The following DDB1 variants were observed in gnomAD, a reference collection of about 807,000 sequenced individuals.
DDB1 encodes DNA damage-binding protein 1.
In DDB1, 18 loss-of-function variants were observed where a neutral mutation model predicts 133.1. That is an observed-to-expected ratio of 0.14 (90% CI 0.09 to 0.20). The LOEUF (loss-of-function observed/expected upper bound fraction) is 0.20. DDB1 is among the 10% of genes least tolerant of loss of function. The pLI is 1.00. For synonymous variants in DDB1, 580 were observed against 550.5 expected (o/e 1.05, Z -0.75); for missense variants, 828 against 1,459.2 (o/e 0.57, Z 7.05).
In DDB1 at chr11:61,311,774, CT is replaced by C. The variant is rs1216969647; in HGVS notation, c.2277+9del. The C allele has an allele frequency of 6.2e-7, 1 of 1,607,028 alleles. No homozygotes were observed. Among genetic ancestry groups the C allele is most frequent in the Non-Finnish European group, 8.5e-7 (1 of 1,177,508 alleles). On this transcript the variant is annotated intron_variant, in intron 18 of 26. Coordinates refer to ENST00000301764, the MANE Select transcript of DDB1 (RefSeq NM_001923.5). The stretch of plus-strand genomic sequence containing the variant: ...CTCTAAGGTCATCTTTCTTTGTCCA[CT>C]GCCCTTACCTGGGTGCTAGCGCTGG...
intron 18 of DDB1, chr11:61,311,451 A>C (rs796208814): frequency 3.9e-5 from 10 of 256,192 alleles, no homozygotes; most frequent in Admixed American, 1.6e-4. Flanking sequence ...TCTTAAAAAA[A>C]AAACAAACAA....
Position 61,299,964 on chromosome 11 carries a change from T to C in DDB1, c.*172A>G. 1 of 628,696 alleles carries C rather than the reference T, an allele frequency of 1.6e-6. No individual in the cohort carries two copies. The allele number at this position is 628,696 out of a possible 1,614,324, so 38.9% of individuals were successfully genotyped here. On this transcript the variant is annotated 3_prime_UTR_variant, in exon 27 of 27. Transcript: ENST00000301764. ...AGAAAATGTTTCACCTTCAGCTCAT[T>C]CCCAAGTCTCTATGAAGCCCGCCCC... is the stretch of plus-strand genomic sequence containing the variant.
At chr11:61,326,577 G>A (rs1856274284) in intron 5 of DDB1, among the ~76,000 whole-genome samples, 13 of 152,048 alleles carry the variant, frequency 8.5e-5, no homozygotes, top group Admixed American at 8.5e-4. Context: ...CTTTTGGGGG[G>A]AGAAGTGAAA....
Position 61,333,042 on chromosome 11 carries a change from G to A in DDB1, c.-74C>T, listed in dbSNP as rs1024602134. The stretch of plus-strand genomic sequence containing the variant: ...AGGGACACAAGCGAAAAGACAGGTG[G>A]CCCCCAACAGCGCGCAGCGAACTCC... On this transcript the variant is annotated 5_prime_UTR_variant, in exon 1 of 27. Coordinates refer to ENST00000301764, the MANE Select transcript of DDB1 (RefSeq NM_001923.5). 14 of 1,344,082 alleles carry A rather than the reference G, an allele frequency of 1.0e-5. 1 individual carries two copies. The highest frequency in any genetic ancestry group is 3.0e-5 in the South Asian group (2 of 67,102). The allele number at this position is 1,344,082 out of a possible 1,614,324, so 83.3% of individuals were successfully genotyped here.
At chr11:61,327,077 C>T (rs1479884493) in intron 4 of DDB1, among the ~76,000 whole-genome samples, 184 bp from the exon 5 acceptor site, 1 of 152,200 alleles carries the variant, frequency 6.6e-6, no homozygotes, top group African/African-American at 2.4e-5. Context: ...CCTAGGTAGA[C>T]TGCAGCATCT....
At chr11:61,314,269 A>G in intron 13 of DDB1, 39 bp downstream of exon 13, 1 of 1,595,106 alleles carries the variant, frequency 6.3e-7, no homozygotes, top group Non-Finnish European at 8.5e-7. Context: ...GTCCTAGAGA[A>G]AAGAGGAGGA....
intron 2 of DDB1, among the ~76,000 whole-genome samples, chr11:61,330,701 T>C (rs1433348234): frequency 2.6e-5 from 4 of 152,072 alleles, no homozygotes; most frequent in Admixed American, 2.0e-4. Flanking sequence ...TCTCGCTCTG[T>C]CACCGGGCAA....
chr11:61,303,225 T>A, intron 22 of DDB1, 70 bp from the exon 23 acceptor site: 1 of 1,438,470 alleles, frequency 7.0e-7, no homozygotes, highest in Non-Finnish European at 9.8e-7. Flanking sequence ...CTGGGACTTG[T>A]GTTTCCTTTA....
intron 21 of DDB1, among the ~76,000 whole-genome samples, chr11:61,305,541 C>T (rs1855870146): frequency 6.6e-6 from 1 of 152,174 alleles, no homozygotes; most frequent in Non-Finnish European, 1.5e-5. Flanking sequence ...ATGGTTACCA[C>T]ACCTCTATCA....
chr11:61,300,172 G>A lies in DDB1; in HGVS notation c.3387C>T (p.Leu1129=), dbSNP rs1396810155. 1 of 1,614,220 alleles carries A rather than the reference G, an allele frequency of 6.2e-7. No homozygotes were observed. Among genetic ancestry groups the A allele is most frequent in the South Asian group, 1.1e-5 (1 of 91,084 alleles). The change falls in exon 27 of 27, where the codon CTC becomes CTT. Residue 1129 remains leucine (L), a synonymous_variant. Coordinates refer to ENST00000301764, the MANE Select transcript of DDB1 (RefSeq NM_001923.5). The part of the protein sequence containing the change: ...GMKREATADD[L]IKVVEELTRI... Reference sequence around the variant, plus strand: ...GAGTTAGCTCCTCCACAACCTTGATGAGGTCGTCTGCAGTGGCCTCTCGCT... The same window carrying A: ...GAGTTAGCTCCTCCACAACCTTGATAAGGTCGTCTGCAGTGGCCTCTCGCT...
At chr11:61,323,943 AGAACATTGTAGAG>A in intron 7 of DDB1, 23 bp downstream of exon 7, 1 of 1,612,400 alleles carries the variant, frequency 6.2e-7, no homozygotes, top group South Asian at 1.1e-5. Flanking sequence ...GGAACCTAAA[AGAACATTGTAGAG>A]GAACAGGGAG....
intron 10 of DDB1, among the ~76,000 whole-genome samples, chr11:61,320,474 T>C (rs1856161450): frequency 6.6e-6 from 1 of 152,238 alleles, no homozygotes; most frequent in African/African-American, 2.4e-5. Flanking sequence ...GTGCTGGGAT[T>C]ACAGGTGTCA....
chr11:61,305,182 C>T (rs959449123), intron 21 of DDB1, among the ~76,000 whole-genome samples: 5 of 152,198 alleles, frequency 3.3e-5, no homozygotes, highest in African/African-American at 1.2e-4. Context: ...ACCCTAGCTA[C>T]ACAGGAATAT....
intron 10 of DDB1, among the ~76,000 whole-genome samples, chr11:61,320,102 T>C (rs1856154751): frequency 6.6e-6 from 1 of 152,334 alleles, no homozygotes; most frequent in South Asian, 2.1e-4. Flanking sequence ...CCTGCTATCT[T>C]AGTGAATTTG....
chr11:61,302,863 C>T (rs994356028), intron 23 of DDB1, 112 bp from the exon 24 acceptor site: 31 of 1,429,736 alleles, frequency 2.2e-5, no homozygotes, highest in Non-Finnish European at 2.8e-5. Flanking sequence ...AGCTGACATA[C>T]TCCACAGTAG....
In DDB1 at chr11:61,323,304, A is replaced by G. The variant is rs546787027; in HGVS notation, c.922-210T>C. On this transcript the variant is annotated intron_variant, in intron 7 of 26. Transcript: ENST00000301764. ...CATCTATTGCATCCCTACACTCAGAAAAATCTATAATTTGTCTTGCATATT... is the reference window on the plus strand; with the variant it reads ...CATCTATTGCATCCCTACACTCAGAGAAATCTATAATTTGTCTTGCATATT... 3 of 568,994 alleles carry G rather than the reference A, an allele frequency of 5.3e-6. No homozygotes were observed. The Admixed American group carries it at 9.0e-5, about 17-fold the overall frequency. The allele number at this position is 568,994 out of a possible 1,614,324, so 35.2% of individuals were successfully genotyped here.
At chr11:61,301,023 C>G (rs1855783670) in intron 25 of DDB1, 91 bp from the exon 26 acceptor site, 1 of 1,542,468 alleles carries the variant, frequency 6.5e-7, no homozygotes, top group Non-Finnish European at 8.8e-7. Flanking sequence ...CTAAAGCAAT[C>G]ATCAGGATTA....
chr11:61,314,525 T>C (rs1856033618), intron 12 of DDB1, 39 bp from the exon 13 acceptor site: 1 of 1,579,838 alleles, frequency 6.3e-7, no homozygotes, highest in African/African-American at 1.3e-5. Flanking sequence ...TCCAAGCATC[T>C]GCCAGGGTCC....
intron 21 of DDB1, among the ~76,000 whole-genome samples, chr11:61,308,651 G>T (rs547189043): frequency 1.3e-5 from 2 of 152,302 alleles, no homozygotes; most frequent in South Asian, 4.1e-4. Context: ...TATTTCAAAG[G>T]ACTAGCTTTC....
Sources: allele counts gnomAD v4.1 joint callset (sites outside exome capture counted in the v4.1 genomes callset), GRCh38; gene constraint gnomAD v4.1.1; transcripts MANE v1.5; gene names NCBI Gene and HGNC (gene_info 2026-07-23, HGNC 2026-07-21).